BPTF: variants seen among roughly 807,000 people sequenced by gnomAD.
BPTF encodes bromodomain PHD finger transcription factor.
BPTF carries 18 observed loss-of-function variants against 292.5 expected under a neutral mutation model. The ratio of observed to expected loss-of-function variants is 0.06; its 90% CI spans 0.04 to 0.09. BPTF has a LOEUF of 0.09. Among genes scored for constraint, BPTF ranks in the 10% least tolerant of loss-of-function variants. BPTF has a pLI of 1.00. For synonymous variants in BPTF, 1,225 were observed against 1,251.9 expected, an observed-to-expected ratio of 0.98 and a Z score of 0.45; for missense variants, 2,726 against 3,498.7, an observed-to-expected ratio of 0.78 and a Z score of 5.57.
chr17:67,851,385 T>G (rs2058395950), intron 1 of BPTF, among the ~76,000 whole-genome samples: 1 of 152,120 alleles, frequency 6.6e-6, no homozygotes, highest in Non-Finnish European at 1.5e-5. Context: ...TTTCCAAGAC[T>G]TGGTGACCAT....
intron 9 of BPTF, among the ~76,000 whole-genome samples, chr17:67,905,419 A>T (rs1343254512): frequency 6.6e-6 from 1 of 151,722 alleles, no homozygotes; most frequent in African/African-American, 2.4e-5. Flanking sequence ...AAAAAAAAAA[A>T]ATTCAGGCCA....
intron 2 of BPTF, among the ~76,000 whole-genome samples, chr17:67,860,422 T>C (rs2059005806): frequency 6.6e-6 from 1 of 152,232 alleles, no homozygotes; most frequent in African/African-American, 2.4e-5. Flanking sequence ...TTTTCTGTTA[T>C]TGCTTTTATT....
intron 9 of BPTF, among the ~76,000 whole-genome samples, chr17:67,908,826 A>T (rs1186638551): frequency 7.5e-5 from 8 of 106,090 alleles, no homozygotes; most frequent in Non-Finnish European, 1.4e-4. Context: ...GTCACTGACA[A>T]TTTTTTTTTT....
intron 7 of BPTF, 25 bp from the exon 8 acceptor site, chr17:67,903,762 ATT>A: frequency 6.6e-7 from 1 of 1,506,738 alleles, no homozygotes; most frequent in Non-Finnish European, 8.8e-7. Flanking sequence ...CCAAGTTAAC[ATT>A]GTCTTTCTAT....
chr17:67,879,244 C>A (rs2060240024), intron 4 of BPTF, among the ~76,000 whole-genome samples: 3 of 150,424 alleles, frequency 2.0e-5, no homozygotes, highest in African/African-American at 7.3e-5. Flanking sequence ...CTGTTTCAAG[C>A]GATTCTCCTG....
intron 23 of BPTF, chr17:67,955,377 AG>A (rs2066830407): frequency 6.6e-6 from 1 of 152,108 alleles, no homozygotes; most frequent in Non-Finnish European, 1.5e-5. Context: ...CCTGCAAAAA[AG>A]GGGCACAGCA....
In BPTF at chr17:67,964,256, G is replaced by A. The variant is rs782362496; in HGVS notation, c.8306G>A (p.Arg2769His). The A allele has an allele frequency of 2.5e-6, 4 of 1,613,890 alleles. No individual in the cohort carries two copies. Among genetic ancestry groups the A allele is most frequent in the Non-Finnish European group, 2.5e-6 (3 of 1,179,864 alleles). ...CGGTGTCAGAATTGGTACCATGGGC[G>A]CTGCGTTGGCATCTTGCAAAGTGAG... ...CDRCQNWYHG[R>H]CVGILQSEAE... Residue 2769 changes from arginine to histidine, a missense_variant, in exon 25 of 28, where the codon CGC (arginine) becomes CAC (histidine). Transcript: ENST00000306378.
At chr17:67,897,729 A>G (rs1290985445) in intron 7 of BPTF, among the ~76,000 whole-genome samples, 1 of 152,230 alleles carries the variant, frequency 6.6e-6, no homozygotes, top group Non-Finnish European at 1.5e-5. Flanking sequence ...GCAGGACCAG[A>G]TGATTTCATA....
At chr17:67,902,750 T>C (rs1436842007) in intron 7 of BPTF, among the ~76,000 whole-genome samples, 2 of 151,952 alleles carry the variant, frequency 1.3e-5, no homozygotes, top group African/African-American at 4.8e-5. Context: ...GGAAAGGAGA[T>C]AAAAAGACTG....
rs1292375298 is a variant in BPTF, at chr17:67,961,981, AAAG to A, written c.8261+2109_8261+2111del. Among the ~76,000 whole-genome samples the A allele has an allele frequency of 6.6e-5, 10 of 151,786 alleles. No homozygotes were observed. The South Asian group carries it at 1.2e-3, about 19-fold the overall frequency. On this transcript the variant is annotated intron_variant, in intron 24 of 27. Transcript: ENST00000306378. ...AGAGCAAAGCTCTGTCAAAAAAAAA[AAAG>A]AAAAGAAAAAAAGCCGGGCCTGGTG... is the stretch of plus-strand genomic sequence containing the variant.
At chr17:67,881,852 G>GTTTTTGT (rs2060430778) in intron 4 of BPTF, among the ~76,000 whole-genome samples, 1 of 38,386 alleles carries the variant, frequency 2.6e-5, no homozygotes, top group Non-Finnish European at 9.4e-5. Flanking sequence ...GGGATTTTGG[G>GTTTTTGT]TTTTTGTTTT....
At chr17:67,862,595 T>C (rs1337389884) in intron 2 of BPTF, among the ~76,000 whole-genome samples, 2 of 152,162 alleles carry the variant, frequency 1.3e-5, no homozygotes, top group East Asian at 3.9e-4. Flanking sequence ...GACCAAGAGC[T>C]TAGGACCTAG....
At chr17:67,847,841 A>G (rs1352195799) in intron 1 of BPTF, among the ~76,000 whole-genome samples, 2 of 152,188 alleles carry the variant, frequency 1.3e-5, no homozygotes, top group Admixed American at 6.5e-5. Context: ...ACTATTCCAC[A>G]TGAAAAGGTG....
At chr17:67,944,978 TG>T (rs1555673696) in intron 20 of BPTF, among the ~76,000 whole-genome samples, 1 of 152,128 alleles carries the variant, frequency 6.6e-6, no homozygotes, top group East Asian at 1.9e-4. Flanking sequence ...CGTGTCCAAA[TG>T]GAGCATTTCA....
intron 26 of BPTF, chr17:67,973,880 A>G (rs1420019184): frequency 6.6e-6 from 1 of 151,908 alleles, no homozygotes; most frequent in Admixed American, 6.6e-5. Context: ...TTCTTATACT[A>G]GATACAGTTA....
intron 24 of BPTF, among the ~76,000 whole-genome samples, chr17:67,961,675 C>T (rs562983583): frequency 2.8e-4 from 43 of 151,948 alleles, no homozygotes; most frequent in Admixed American, 1.9e-3. Flanking sequence ...AGAGAGACCC[C>T]GTCTGTACAA....
At chr17:67,882,698 TC>T (rs1180657462) in intron 4 of BPTF, among the ~76,000 whole-genome samples, 3 of 152,194 alleles carry the variant, frequency 2.0e-5, no homozygotes, top group Admixed American at 2.0e-4. Flanking sequence ...AATATCATAT[TC>T]CAAAGTCACT....
At chr17:67,918,662 G>A (rs2063219299) in intron 11 of BPTF, 52 bp from the exon 12 acceptor site, 65 of 1,502,546 alleles carry the variant, frequency 4.3e-5, no homozygotes, top group Non-Finnish European at 6.0e-5. Flanking sequence ...GAATGTGTAT[G>A]TGTATGTATA....
intron 17 of BPTF, among the ~76,000 whole-genome samples, chr17:67,931,334 A>G (rs2064370881): frequency 1.3e-5 from 2 of 151,674 alleles, no homozygotes; most frequent in African/African-American, 4.8e-5. Context: ...TTAGCCGGAC[A>G]TGGTGCCATT....
Sources: allele counts gnomAD v4.1 joint callset (sites outside exome capture counted in the v4.1 genomes callset), GRCh38; gene constraint gnomAD v4.1.1; transcripts MANE v1.5; gene names NCBI Gene and HGNC (gene_info 2026-07-23, HGNC 2026-07-21).